DNAH10: variants seen among roughly 807,000 people sequenced by gnomAD.
The protein encoded by DNAH10 is axonemal beta dynein heavy chain 10.
In DNAH10, 348 loss-of-function variants were observed where a neutral mutation model predicts 506.6. That is an observed-to-expected ratio of 0.69 (90% CI 0.63 to 0.75). DNAH10 has a LOEUF of 0.75. Among genes scored for constraint, DNAH10 ranks in the 30% least tolerant of loss-of-function variants. DNAH10 has a pLI of 0.00. For synonymous variants in DNAH10, 2,059 were observed against 2,198.6 expected, an observed-to-expected ratio of 0.94 and a Z score of 1.78; for missense variants, 5,179 against 5,787.1, an observed-to-expected ratio of 0.89 and a Z score of 3.41.
intron 52 of DNAH10, among the ~76,000 whole-genome samples, chr12:123,889,107 C>T (rs549098716): frequency 2.0e-5 from 3 of 152,218 alleles, no homozygotes; most frequent in Admixed American, 6.5e-5. Flanking sequence ...CCTCCTTTCT[C>T]GCCTTGCTGC....
At chr12:123,768,117 T>TCTCCTCCTCCTC (rs747242172) in intron 2 of DNAH10, among the ~76,000 whole-genome samples, 1 of 150,466 alleles carries the variant, frequency 6.6e-6, no homozygotes, top group Non-Finnish European at 1.5e-5. Context: ...GTGTGTCCTC[T>TCTCCTCCTCCTC]CTCCTCCTCC....
At chr12:123,820,874 A>G in intron 24 of DNAH10, 116 bp downstream of exon 24, 1 of 1,218,502 alleles carries the variant, frequency 8.2e-7, no homozygotes, top group Non-Finnish European at 1.2e-6. Flanking sequence ...GACGTTGTGG[A>G]AACGCTCATT....
chr12:123,790,394 A>G (rs888970284), intron 11 of DNAH10, among the ~76,000 whole-genome samples: 2 of 152,216 alleles, frequency 1.3e-5, no homozygotes, highest in Admixed American at 1.3e-4. Flanking sequence ...GTCCAATATA[A>G]GTTCACCTAT....
intron 52 of DNAH10, among the ~76,000 whole-genome samples, chr12:123,891,307 G>T (rs1237012690): frequency 6.6e-6 from 1 of 152,146 alleles, no homozygotes; most frequent in Admixed American, 6.5e-5. Context: ...ATTTCAACTT[G>T]ATTATCTCTG....
intron 11 of DNAH10, among the ~76,000 whole-genome samples, chr12:123,793,125 G>T (rs908058943): frequency 1.3e-5 from 2 of 152,082 alleles, no homozygotes; most frequent in Non-Finnish European, 2.9e-5. Flanking sequence ...AGAATGGAGT[G>T]GGGGTGGGAG....
At chr12:123,819,708 T>G (rs535133824) in intron 23 of DNAH10, among the ~76,000 whole-genome samples, 10 of 146,310 alleles carry the variant, frequency 6.8e-5, no homozygotes, top group East Asian at 4.0e-4. Context: ...CTGTTTTTTT[T>G]TTTTTTTTTT....
At chr12:123,805,129 G>A in intron 18 of DNAH10, 89 bp downstream of exon 18, 1 of 1,377,322 alleles carries the variant, frequency 7.3e-7, no homozygotes, top group Non-Finnish European at 9.9e-7. Flanking sequence ...TGGCAAGGTA[G>A]AGAATGAAAA....
intron 11 of DNAH10, among the ~76,000 whole-genome samples, chr12:123,791,749 T>A (rs1239662372): frequency 6.6e-6 from 1 of 152,104 alleles, no homozygotes; most frequent in Admixed American, 6.6e-5. Flanking sequence ...TTAAAATTTT[T>A]AAGTAGAGAT....
intron 54 of DNAH10, 25 bp from the exon 55 acceptor site, chr12:123,897,745 A>C: frequency 6.3e-7 from 1 of 1,588,272 alleles, no homozygotes; most frequent in Non-Finnish European, 8.5e-7. Context: ...AAGAAAGAAA[A>C]CATTTTTTAT....
chr12:123,919,264 G>A lies in DNAH10; in HGVS notation c.11506+315G>A, dbSNP rs1954625788. ...AAGTTTTTGTATATTTTGTAGAGAT[G>A]GGGTTTCACTATGTTGCCCAGGCTG... is the stretch of plus-strand genomic sequence containing the variant. On this transcript the variant is annotated intron_variant, in intron 65 of 78. Transcript: ENST00000673944. This position sits in a 1 kb window ranked among gnomAD's most constrained non-coding sequence, Gnocchi z 4.9. Among the ~76,000 whole-genome samples the A allele has an allele frequency of 6.6e-6, 1 of 151,782 alleles. No individual in the cohort carries two copies. The highest frequency in any genetic ancestry group is 2.4e-5 in the African/African-American group (1 of 41,272).
intron 54 of DNAH10, 143 bp downstream of exon 54, chr12:123,894,866 G>GT (rs1309155573): frequency 1.2e-5 from 9 of 744,654 alleles, no homozygotes; most frequent in Non-Finnish European, 2.0e-5. Flanking sequence ...TTGTTAGTAT[G>GT]TTTTTGGTTT....
chr12:123,919,926 G>A lies in DNAH10; in HGVS notation c.11506+977G>A, dbSNP rs954539119. Among the ~76,000 whole-genome samples the A allele has an allele frequency of 6.6e-6, 1 of 152,220 alleles. No homozygotes were observed. Among genetic ancestry groups the A allele is most frequent in the South Asian group, 2.1e-4 (1 of 4,834 alleles). ...AGGCAATGCTCCTGTGAACATTTGT[G>A]TGCAGGTTTTTGTGTGAATGTGTGT... On this transcript the variant is annotated intron_variant, in intron 65 of 78. Transcript: ENST00000673944. The surrounding 1 kb of genome is among the most constrained non-coding windows in gnomAD (Gnocchi z 4.9).
chr12:123,903,145 C>A lies in DNAH10; in HGVS notation c.9815+32C>A. The A allele has an allele frequency of 6.3e-7, 1 of 1,576,318 alleles. No individual in the cohort carries two copies. ...CACCTGAGCCACCATTCTGGGCTTC[C>A]ATTCCACCTCTGCAAGCCAGTAGTC... On this transcript the variant is annotated intron_variant, in intron 57 of 78. Coordinates refer to ENST00000673944, the MANE Select transcript of DNAH10 (RefSeq NM_001372106.1). The surrounding 1 kb of genome is among the most constrained non-coding windows in gnomAD (Gnocchi z 4.6).
At chr12:123,892,561 C>T (rs1164645518) in intron 52 of DNAH10, among the ~76,000 whole-genome samples, 2 of 152,178 alleles carry the variant, frequency 1.3e-5, no homozygotes, top group African/African-American at 4.8e-5. Context: ...ATCAGTGAAT[C>T]GGGGAGGAAG....
chr12:123,848,642 C>T, intron 33 of DNAH10, 88 bp from the exon 34 acceptor site: 1 of 1,522,350 alleles, frequency 6.6e-7, no homozygotes, highest in Non-Finnish European at 8.9e-7. Flanking sequence ...TCATTGTTTG[C>T]TTTAATTTAG....
In DNAH10 at chr12:123,853,924, GCACGCACACGCA is replaced by G. The variant is rs574724546; in HGVS notation, c.6438+582_6438+593del. Among the ~76,000 whole-genome samples the G allele has an allele frequency of 4.0e-5, 6 of 149,482 alleles. No homozygotes were observed. The highest frequency in any genetic ancestry group is 8.9e-5 in the Non-Finnish European group (6 of 67,404). On this transcript the variant is annotated intron_variant, in intron 36 of 78. Transcript: ENST00000673944. The surrounding 1 kb of genome is among the most constrained non-coding windows in gnomAD (Gnocchi z 4.7). ...CACGCACATGTACACATACGCACACGCACGCACACGCACACGCACACACACACACATTTGGGT... is the reference window on the plus strand; with the variant it reads ...CACGCACATGTACACATACGCACACGCACGCACACACACACACATTTGGGT...
Position 123,772,896 on chromosome 12 carries a change from G to C in DNAH10, c.459G>C (p.Glu153Asp). Reference sequence around the variant, plus strand: ...ACATGCTCTGTACCCCTCTTCCCGAGGAGTTCCTGGACCAAAACGTGGTGT... The same window carrying C: ...ACATGCTCTGTACCCCTCTTCCCGACGAGTTCCTGGACCAAAACGTGGTGT... The part of the protein sequence containing the change: ...HLHMLCTPLP[E>D]EFLDQNVVFF... The change falls in exon 4 of 79, where the codon GAG becomes GAC. Residue 153 changes from glutamate (E) to aspartate (D), a missense_variant. Glu to Asp is a conservative substitution (Grantham distance 45). This residue lies in a region of DNAH10 where 326 missense variants were observed against 330.8 expected (regional missense o/e 0.99). Transcript: ENST00000673944. 6.2e-7 allele frequency: 1 copy of C among 1,613,184 alleles called. No individual in the cohort carries two copies. The highest frequency in any genetic ancestry group is 8.5e-7 in the Non-Finnish European group (1 of 1,179,622).
intron 2 of DNAH10, among the ~76,000 whole-genome samples, chr12:123,768,139 CTCCTTTTT>C (rs367956665): frequency 0.19 from 28,153 of 150,966 alleles, 2,803 homozygotes; most frequent in Middle Eastern, 0.27. Flanking sequence ...CCTCCTCCTC[CTCCTTTTT>C]TTTTGAGACA....
At chr12:123,855,185 CT>C (rs1951337100) in intron 36 of DNAH10, among the ~76,000 whole-genome samples, 1 of 152,170 alleles carries the variant, frequency 6.6e-6, no homozygotes, top group South Asian at 2.1e-4. Context: ...ACTCCACATC[CT>C]GGAGGTAATG....
Sources: gnomAD v4.1 joint callset for allele counts (sites outside exome capture counted in the v4.1 genomes callset) on GRCh38, gnomAD v4.1.1 for gene constraint, gnomAD v4.1.1 regional missense constraint, Gnocchi (gnomAD v3.1) non-coding constraint, MANE v1.5 for transcripts, NCBI Gene and HGNC (gene_info 2026-07-23, HGNC 2026-07-21) for gene names.